DDX10: variants seen among roughly 807,000 people sequenced by gnomAD.
DDX10 encodes the protein probable ATP-dependent RNA helicase DDX10.
Under a neutral mutation model 104.3 loss-of-function variants are expected in DDX10, and 74 were observed. The observed-to-expected ratio is 0.71, with a 90% CI of 0.59 to 0.86. The LOEUF (loss-of-function observed/expected upper bound fraction) is 0.86, where lower values mean the gene tolerates loss of function less well. DDX10 is among the 40% of genes least tolerant of loss of function. The probability of loss-of-function intolerance (pLI) is 0.00; values close to 1 mark genes in which losing one functional copy is unlikely to be tolerated. For synonymous variants in DDX10, 351 were observed against 353.4 expected, an observed-to-expected ratio of 0.99 and a Z score of 0.08; for missense variants, 952 against 1,040.0, an observed-to-expected ratio of 0.92 and a Z score of 1.16.
chr11:108,738,873 C>T (rs1278807132), intron 13 of DDX10, among the ~76,000 whole-genome samples: 1 of 152,130 alleles, frequency 6.6e-6, no homozygotes, highest in African/African-American at 2.4e-5. Context: ...CATTGACTCC[C>T]CTGCCCCTCA....
At chr11:108,853,874 G>A (rs185765613) in intron 16 of DDX10, among the ~76,000 whole-genome samples, 14 of 152,212 alleles carry the variant, frequency 9.2e-5, no homozygotes, top group Admixed American at 3.3e-4. Flanking sequence ...ACTAAGCATC[G>A]GACTAAGAAC....
chr11:108,694,213 G>A (rs961333636), intron 9 of DDX10, among the ~76,000 whole-genome samples: 1 of 152,124 alleles, frequency 6.6e-6, no homozygotes, highest in African/African-American at 2.4e-5. Flanking sequence ...TTGACTGGGG[G>A]TAACTGAAAC....
rs557377180 is a variant in DDX10, at chr11:108,712,081, C to G, written c.1323-3798C>G. On this transcript the variant is annotated intron_variant, in intron 10 of 17. Coordinates refer to ENST00000322536, the MANE Select transcript of DDX10 (RefSeq NM_004398.4). ...CCATTTATCCCTGATAAGTTTATTG[C>G]TTGGAAGTCTGCTCTGTCTGACATT... Among the ~76,000 whole-genome samples, 4 of 152,274 alleles carry G rather than the reference C, an allele frequency of 2.6e-5. No homozygotes were observed. The South Asian group carries it at 8.3e-4, about 32-fold the overall frequency.
intron 4 of DDX10, 33 bp from the exon 5 acceptor site, chr11:108,678,282 G>A (rs1342444829): frequency 6.2e-7 from 1 of 1,600,134 alleles, no homozygotes; most frequent in Non-Finnish European, 8.5e-7. Context: ...AGAGTGATGT[G>A]TCTGTGTAAT....
At chr11:108,669,211 A>G (rs10890877) in intron 1 of DDX10, among the ~76,000 whole-genome samples, 79,521 of 151,548 alleles carry the variant, frequency 0.52, 21,850 homozygotes, top group Non-Finnish European at 0.61. Context: ...CACCCAACTC[A>G]GCCTCCTGAG....
intron 13 of DDX10, among the ~76,000 whole-genome samples, chr11:108,724,452 G>C (rs2094302653): frequency 6.6e-6 from 1 of 152,042 alleles, no homozygotes; most frequent in African/African-American, 2.4e-5. Context: ...ATATAGTACT[G>C]TAGTGAGGCA....
chr11:108,826,015 A>C (rs544668011), intron 13 of DDX10, among the ~76,000 whole-genome samples: 7 of 149,116 alleles, frequency 4.7e-5, no homozygotes, highest in African/African-American at 1.7e-4. Flanking sequence ...CAAGTATTTC[A>C]TAAAAATTAA....
At chr11:108,807,600 G>A (rs1317197652) in intron 13 of DDX10, among the ~76,000 whole-genome samples, 1 of 152,156 alleles carries the variant, frequency 6.6e-6, no homozygotes, top group African/African-American at 2.4e-5. Context: ...AGACTGTGGT[G>A]AACAGAAAAA....
chr11:108,873,124 A>C (rs1863104614), intron 16 of DDX10, among the ~76,000 whole-genome samples: 1 of 152,200 alleles, frequency 6.6e-6, no homozygotes, highest in Non-Finnish European at 1.5e-5. Flanking sequence ...AAGATCAGCA[A>C]ATTTTGCATT....
chr11:108,760,561 A>G (rs544492795), intron 13 of DDX10, among the ~76,000 whole-genome samples: 1 of 152,086 alleles, frequency 6.6e-6, no homozygotes, highest in East Asian at 1.9e-4. Flanking sequence ...GGGCTGCCTC[A>G]TTTGGTGAAT....
In DDX10 at chr11:108,693,614, C is replaced by G. The variant is rs1486377360; in HGVS notation, c.1223+14C>G. The stretch of plus-strand genomic sequence containing the variant: ...TAGAACTGCCAGGTAGGTGTACTGA[C>G]TAATTTCTTTTCTTTTGCTACTATC... On this transcript the variant is annotated intron_variant, in intron 9 of 17. Coordinates refer to ENST00000322536, the MANE Select transcript of DDX10 (RefSeq NM_004398.4). 1.3e-6 allele frequency: 2 copies of G among 1,584,346 alleles called. No homozygotes were observed. The highest frequency in any genetic ancestry group is 1.7e-6 in the Non-Finnish European group (2 of 1,153,294).
intron 9 of DDX10, among the ~76,000 whole-genome samples, chr11:108,696,322 G>A (rs1023132720): frequency 2.0e-5 from 3 of 152,040 alleles, no homozygotes; most frequent in Admixed American, 6.6e-5. Flanking sequence ...GACTATAGGC[G>A]CGTGCCACCA....
intron 13 of DDX10, among the ~76,000 whole-genome samples, chr11:108,790,720 C>T (rs1033035254): frequency 6.6e-6 from 1 of 151,420 alleles, no homozygotes; most frequent in Non-Finnish European, 1.5e-5. Context: ...CTGTTTTTCA[C>T]TTCAGTGCAC....
chr11:108,832,138 T>C (rs1317117077), intron 13 of DDX10, among the ~76,000 whole-genome samples: 2 of 152,126 alleles, frequency 1.3e-5, no homozygotes, highest in East Asian at 3.8e-4. Context: ...ATAATAGATA[T>C]ATTTTATATT....
intron 17 of DDX10, among the ~76,000 whole-genome samples, chr11:108,926,564 A>T (rs1208982360): frequency 6.6e-6 from 1 of 152,202 alleles, no homozygotes; most frequent in Non-Finnish European, 1.5e-5. Context: ...CTTTTCTTAG[A>T]TGAAATTGTT....
chr11:108,739,422 A>C (rs976049500), intron 13 of DDX10, among the ~76,000 whole-genome samples: 1 of 152,312 alleles, frequency 6.6e-6, no homozygotes, highest in South Asian at 2.1e-4. Flanking sequence ...ATCTGTGCTT[A>C]CTGCTGTTAG....
chr11:108,895,789 G>A (rs1161880013), intron 16 of DDX10, among the ~76,000 whole-genome samples: 3 of 152,012 alleles, frequency 2.0e-5, no homozygotes, highest in Non-Finnish European at 4.4e-5. Context: ...AACCACATAT[G>A]AGGCTTCTGT....
At chr11:108,740,043 T>G (rs2094323281) in intron 13 of DDX10, among the ~76,000 whole-genome samples, 1 of 151,228 alleles carries the variant, frequency 6.6e-6, no homozygotes, top group Admixed American at 6.6e-5. Context: ...TATAGGTAAA[T>G]TGCATGTCAT....
At chr11:108,858,183 CT>C (rs1386854414) in intron 16 of DDX10, among the ~76,000 whole-genome samples, 1 of 152,084 alleles carries the variant, frequency 6.6e-6, no homozygotes, top group Non-Finnish European at 1.5e-5. Context: ...TCCTTCATTG[CT>C]TTTTCCTCTG....
Sources: allele counts gnomAD v4.1 joint callset (sites outside exome capture counted in the v4.1 genomes callset), GRCh38; gene constraint gnomAD v4.1.1; transcripts MANE v1.5; gene names NCBI Gene and HGNC (gene_info 2026-07-23, HGNC 2026-07-21).